YIF1B: variants seen among roughly 807,000 people sequenced by gnomAD.
The protein encoded by YIF1B is Yip1 interacting factor homolog B, membrane trafficking protein.
Under a neutral mutation model 34.6 loss-of-function variants are expected in YIF1B, and 24 were observed. The observed-to-expected ratio is 0.69, with a 90% confidence interval of 0.50 to 0.98. YIF1B has a LOEUF of 0.98. Ranked by LOEUF, YIF1B falls within the 50% of genes least tolerant of loss-of-function variation. YIF1B has a pLI of 0.00. For missense variants in YIF1B, 368 were observed against 429.4 expected (o/e 0.86, Z 1.26); for synonymous variants, 186 against 184.8 (o/e 1.01, Z -0.05).
Position 38,308,993 on chromosome 19 carries a change from T to C in YIF1B, c.467A>G (p.Asp156Gly). ...GAGGGTGAAACCTGGAATGTAGAGGTCCGGGGCATTGACGTCAAAGCGGGG... is the reference window on the plus strand; with the variant it reads ...GAGGGTGAAACCTGGAATGTAGAGGCCCGGGGCATTGACGTCAAAGCGGGG... ...VAPRFDVNAP[D>G]LYIPAMAFIT... The change falls in exon 4 of 8, where the codon GAC becomes GGC. Residue 156 changes from aspartate (D) to glycine (G), a missense_variant. Asp to Gly is a moderately conservative substitution (Grantham distance 94). Around this residue, in one of 3 missense-constraint regions of YIF1B, gnomAD observed 208 missense variants for 247.8 expected, o/e 0.84. Coordinates refer to ENST00000339413, the MANE Select transcript of YIF1B (RefSeq NM_001039672.3). The C allele has an allele frequency of 1.3e-6, 2 of 1,591,452 alleles. No homozygotes were observed. The highest frequency in any genetic ancestry group is 1.7e-6 in the Non-Finnish European group (2 of 1,167,242).
At chr19:38,319,221 C>T (rs1420953592), upstream of YIF1B, among the ~76,000 whole-genome samples, 1 of 152,082 alleles carries the variant, frequency 6.6e-6, no homozygotes, top group African/African-American at 2.4e-5. Context: ...CTCAGCCTCC[C>T]GAGTAGCTGG....
intron 1 of YIF1B, among the ~76,000 whole-genome samples, chr19:38,310,197 C>T (rs1969268507): frequency 6.7e-6 from 1 of 149,152 alleles, no homozygotes; most frequent in Non-Finnish European, 1.5e-5. Flanking sequence ...CCCATCCATC[C>T]ATCCATCCAT....
chr19:38,307,991 G>C (rs1267346824), intron 5 of YIF1B, among the ~76,000 whole-genome samples: 2 of 152,208 alleles, frequency 1.3e-5, no homozygotes, highest in Non-Finnish European at 2.9e-5. Flanking sequence ...ACAGTCAGGA[G>C]ACAGGTGTCA....
chr19:38,304,473 G>A lies in YIF1B; in HGVS notation c.*879C>T, dbSNP rs762128437. The A allele has an allele frequency of 2.8e-5, 44 of 1,555,174 alleles. 1 individual carries two copies. In the South Asian group the frequency reaches 5.2e-4, roughly 18 times the overall value. On this transcript the variant is annotated 3_prime_UTR_variant, in exon 8 of 8. Coordinates refer to ENST00000339413, the MANE Select transcript of YIF1B (RefSeq NM_001039672.3). ...AGTTCAGGGCCGGTCGGAGGCAGGG[G>A]CAGGTCCGGGTCCAAAGGTAAGTCG...
Position 38,305,357 on chromosome 19 carries a change from G to T in YIF1B, c.940C>A (p.Arg314=). 2.5e-6 allele frequency: 4 copies of T among 1,601,698 alleles called. No individual in the cohort carries two copies. The highest frequency in any genetic ancestry group is 2.2e-5 in the South Asian group (2 of 90,764). The part of the protein sequence containing the change: ...LMYWLTFHLV[R] ...GGGAGGTTCAGCGGGCGCGCTCACC[G>T]CACCAGGTGGAAGGTGAGCCAGTAC... The change falls in exon 8 of 8, where the codon CGG becomes AGG. Residue 314 remains arginine (R), a synonymous_variant. Coordinates refer to ENST00000339413, the MANE Select transcript of YIF1B (RefSeq NM_001039672.3).
At chr19:38,320,173 G>T, upstream of YIF1B, 1 of 1,599,548 alleles carries the variant, frequency 6.3e-7, no homozygotes, top group Non-Finnish European at 8.5e-7. Context: ...GCTGGGGCGG[G>T]TCGTGCTTGC....
upstream of YIF1B, among the ~76,000 whole-genome samples, chr19:38,316,486 A>G (rs997359472): frequency 1.3e-5 from 2 of 152,194 alleles, no homozygotes; most frequent in Non-Finnish European, 2.9e-5. Context: ...CATCGCTACA[A>G]AACATTTTTT....
At chr19:38,314,685 C>T (rs1486989186) in intron 1 of YIF1B, among the ~76,000 whole-genome samples, 2 of 147,898 alleles carry the variant, frequency 1.4e-5, no homozygotes, top group African/African-American at 5.0e-5. Context: ...GCAATCTCGC[C>T]TCAGTGCAAC....
rs761267686 is a variant in YIF1B, at chr19:38,305,523, A to G, written c.790-16T>C. On this transcript the variant is annotated splice_polypyrimidine_tract_variant and intron_variant, in intron 7 of 7. Coordinates refer to ENST00000339413, the MANE Select transcript of YIF1B (RefSeq NM_001039672.3). ...GCGTCCGGATCTGGGTGGGAAAGAGAGAGAGGAACCAAGGGATTTACCCTT... is the reference window on the plus strand; with the variant it reads ...GCGTCCGGATCTGGGTGGGAAAGAGGGAGAGGAACCAAGGGATTTACCCTT... 6.3e-7 allele frequency: 1 copy of G among 1,591,926 alleles called. No individual in the cohort carries two copies. The highest frequency in any genetic ancestry group is 8.6e-7 in the Non-Finnish European group (1 of 1,163,788).
At position 38,304,917 on chromosome 19, in the gene YIF1B, G is replaced by A. The variant is rs150469805; in HGVS notation, c.*435C>T. The A allele has an allele frequency of 1.3e-6, 2 of 1,595,490 alleles. No individual in the cohort carries two copies. Among genetic ancestry groups the A allele is most frequent in the Admixed American group, 1.7e-5 (1 of 58,388 alleles). On this transcript the variant is annotated 3_prime_UTR_variant, in exon 8 of 8. Coordinates refer to ENST00000339413, the MANE Select transcript of YIF1B (RefSeq NM_001039672.3). ...CAAGAAGCCCAAAGTGAAGAAGAAGGAGAAGGGCAAGAAGGAGAAGGGCAA... is the reference window on the plus strand; with the variant it reads ...CAAGAAGCCCAAAGTGAAGAAGAAGAAGAAGGGCAAGAAGGAGAAGGGCAA...
upstream of YIF1B, among the ~76,000 whole-genome samples, chr19:38,320,464 C>G (rs1325430881): frequency 6.6e-6 from 1 of 152,148 alleles, no homozygotes; most frequent in Non-Finnish European, 1.5e-5. Context: ...AGCCCAAGTC[C>G]GAGCCCTTCC....
upstream of YIF1B, chr19:38,315,960 C>T (rs1191790279): frequency 2.2e-6 from 3 of 1,391,342 alleles, no homozygotes; most frequent in South Asian, 4.8e-5. Context: ...AGCGTGCCCG[C>T]CCGGCTCCCG....
At chr19:38,306,269 T>C (rs115986753) in intron 7 of YIF1B, among the ~76,000 whole-genome samples, 4,453 of 147,226 alleles carry the variant, frequency 0.03, 210 homozygotes, top group African/African-American at 0.1. Flanking sequence ...TTGACTGCAG[T>C]GGCGTGACCT....
upstream of YIF1B, among the ~76,000 whole-genome samples, chr19:38,321,776 G>A (rs1470339542): frequency 6.6e-6 from 1 of 152,238 alleles, no homozygotes; most frequent in African/African-American, 2.4e-5. Flanking sequence ...CATGCTGCCA[G>A]GGCGGCCTGA....
intron 5 of YIF1B, 63 bp from the exon 6 acceptor site, chr19:38,307,815 C>G: frequency 1.3e-6 from 2 of 1,587,004 alleles, no homozygotes; most frequent in Non-Finnish European, 1.7e-6. Flanking sequence ...CAGCACCCAT[C>G]TGGGGACAGC....
chr19:38,315,892 G>A lies in YIF1B; in HGVS notation c.26C>T (p.Ala9Val), dbSNP rs1202713318. 2.0e-6 allele frequency: 3 copies of A among 1,481,062 alleles called. No individual in the cohort carries two copies. Among genetic ancestry groups the A allele is most frequent in the South Asian group, 1.3e-5 (1 of 77,794 alleles). 91.7% of individuals were successfully genotyped at this position (1,481,062 alleles called of 1,614,324 possible). ...ACGCAGCCGGGGCGTCCCCGCAGCC[G>A]CCGCCGCCAAGCCTGCCGGGTGCAT... is the stretch of plus-strand genomic sequence containing the variant. MHPAGLAA[A>V]AAGTPRLRKW... Residue 9 changes from alanine (A) to valine (V), a missense_variant, in exon 1 of 8, where the codon GCG becomes GTG. Physicochemically the swap from Ala to Val is moderately conservative, Grantham distance 64. This residue lies in a region of YIF1B where 153 missense variants were observed against 156.7 expected (regional missense o/e 0.98). Coordinates refer to ENST00000339413, the MANE Select transcript of YIF1B (RefSeq NM_001039672.3).
chr19:38,312,613 C>T (rs970730467), intron 1 of YIF1B, among the ~76,000 whole-genome samples: 2 of 152,174 alleles, frequency 1.3e-5, no homozygotes, highest in Admixed American at 6.6e-5. Flanking sequence ...CTACTATGTG[C>T]CACCCACTAT....
Position 38,308,999 on chromosome 19 carries a change from G to C in YIF1B, c.461C>G (p.Ala154Gly). 1 of 1,587,754 alleles carries C rather than the reference G, an allele frequency of 6.3e-7. No homozygotes were observed. The highest frequency in any genetic ancestry group is 8.6e-7 in the Non-Finnish European group (1 of 1,165,254). Residue 154 changes from alanine (A) to glycine (G), a missense_variant, in exon 4 of 8, where the codon GCC becomes GGC. Coordinates refer to ENST00000339413, the MANE Select transcript of YIF1B (RefSeq NM_001039672.3). ...TPVAPRFDVN[A>G]PDLYIPAMAF... is the part of the protein sequence containing the mutation. ...GAAACCTGGAATGTAGAGGTCCGGG[G>C]CATTGACGTCAAAGCGGGGGGCCAC...
In YIF1B at chr19:38,307,639, G is replaced by T. The variant is rs1045414596; in HGVS notation, c.653C>A (p.Thr218Asn). ...LYLVTVNTDL[T>N]TIDLVAFLGY... ...CAAGAAGGCCACCAGGTCGATGGTGGTGAGGTCGGTGTTGACAGTGACCAG... is the reference window on the plus strand; with the variant it reads ...CAAGAAGGCCACCAGGTCGATGGTGTTGAGGTCGGTGTTGACAGTGACCAG... Residue 218 changes from threonine (T) to asparagine (N), a missense_variant, in exon 6 of 8, where the codon ACC becomes AAC. Thr to Asn is a moderately conservative substitution (Grantham distance 65). Around this residue, in one of 3 missense-constraint regions of YIF1B, gnomAD observed 208 missense variants for 247.8 expected, o/e 0.84. Transcript: ENST00000339413. 1.1e-5 allele frequency: 18 copies of T among 1,613,850 alleles called. No homozygotes were observed. Among genetic ancestry groups the T allele is most frequent in the Non-Finnish European group, 1.5e-5 (18 of 1,180,000 alleles).
Sources: gnomAD v4.1 joint callset for allele counts (sites outside exome capture counted in the v4.1 genomes callset) on GRCh38, gnomAD v4.1.1 for gene constraint, gnomAD v4.1.1 regional missense constraint, MANE v1.5 for transcripts, NCBI Gene and HGNC (gene_info 2026-07-23, HGNC 2026-07-21) for gene names.